Variants in SLC9A9 observed in about 807,000 individuals in gnomAD.
SLC9A9 encodes the protein sodium/hydrogen exchanger 9.
SLC9A9 carries 62 observed loss-of-function variants against 77.8 expected under a neutral mutation model. The observed-to-expected ratio is 0.80, with a 90% CI of 0.65 to 0.98. SLC9A9 has a LOEUF of 0.98. Ranked by LOEUF, SLC9A9 falls within the 50% of genes least tolerant of loss-of-function variation. The pLI is 0.00. For missense variants in SLC9A9, 775 were observed against 774.9 expected (o/e 1.00, Z 0.00); for synonymous variants, 320 against 283.5 (o/e 1.13, Z -1.29).
chr3:143,829,800 A>G (rs1224056403), intron 2 of SLC9A9, among the ~76,000 whole-genome samples: 1 of 152,200 alleles, frequency 6.6e-6, no homozygotes, highest in Non-Finnish European at 1.5e-5. Flanking sequence ...TAGTAGTAGT[A>G]GTGGTGGTAG....
chr3:143,334,058 T>C (rs2031855304), intron 14 of SLC9A9, among the ~76,000 whole-genome samples: 1 of 152,258 alleles, frequency 6.6e-6, no homozygotes, highest in African/African-American at 2.4e-5. Flanking sequence ...CAAAGAGCAC[T>C]GCACTAGATA....
chr3:143,358,145 C>G (rs951228483), intron 14 of SLC9A9, among the ~76,000 whole-genome samples: 1 of 151,984 alleles, frequency 6.6e-6, no homozygotes, highest in African/African-American at 2.4e-5. Flanking sequence ...GAAGTGGATT[C>G]CCAGTCTGCC....
At chr3:143,815,959 A>G (rs901096903) in intron 2 of SLC9A9, among the ~76,000 whole-genome samples, 14 of 152,216 alleles carry the variant, frequency 9.2e-5, no homozygotes, top group Non-Finnish European at 1.5e-4. Flanking sequence ...GCAAGGTCAA[A>G]TTTGTTCAGA....
chr3:143,465,043 A>G (rs937344534), intron 12 of SLC9A9, among the ~76,000 whole-genome samples: 61 of 152,276 alleles, frequency 4.0e-4, no homozygotes, highest in African/African-American at 1.2e-3. Context: ...TCAATTCCCT[A>G]AACACATCAC....
chr3:143,310,940 G>A (rs528598231), intron 14 of SLC9A9, among the ~76,000 whole-genome samples: 1 of 152,294 alleles, frequency 6.6e-6, no homozygotes, highest in Non-Finnish European at 1.5e-5. Context: ...GAGGATGTCT[G>A]AAGTCCTCAG....
intron 2 of SLC9A9, among the ~76,000 whole-genome samples, chr3:143,816,317 T>C (rs983881647): frequency 2.6e-5 from 4 of 152,192 alleles, no homozygotes; most frequent in Non-Finnish European, 4.4e-5. Context: ...GATCTTTCCA[T>C]CTAAGCCTCC....
At chr3:143,733,523 A>C (rs1934862080) in intron 4 of SLC9A9, among the ~76,000 whole-genome samples, 1 of 152,096 alleles carries the variant, frequency 6.6e-6, no homozygotes. Context: ...AAGGGAGCCC[A>C]CCTCATTGAG....
intron 12 of SLC9A9, among the ~76,000 whole-genome samples, chr3:143,446,005 A>G (rs1477362412): frequency 6.6e-6 from 1 of 152,130 alleles, no homozygotes; most frequent in Non-Finnish European, 1.5e-5. Context: ...GGTAGACACT[A>G]TGAATTATAG....
intron 12 of SLC9A9, among the ~76,000 whole-genome samples, chr3:143,460,432 T>A (rs1415356079): frequency 6.6e-6 from 1 of 151,974 alleles, no homozygotes; most frequent in Non-Finnish European, 1.5e-5. Context: ...ATCACTTTTT[T>A]TTTTCAAACG....
At chr3:143,566,001 C>G (rs2037161472) in intron 8 of SLC9A9, among the ~76,000 whole-genome samples, 1 of 152,104 alleles carries the variant, frequency 6.6e-6, no homozygotes, top group Admixed American at 6.5e-5. Flanking sequence ...ACACATTCAC[C>G]TCTGAGCTAA....
intron 11 of SLC9A9, among the ~76,000 whole-genome samples, chr3:143,475,739 C>G (rs976243124): frequency 2.0e-5 from 3 of 149,942 alleles, no homozygotes; most frequent in Admixed American, 6.7e-5. Flanking sequence ...TTGCAGTAAG[C>G]TGAGGTTGCG....
intron 9 of SLC9A9, among the ~76,000 whole-genome samples, chr3:143,515,124 C>A (rs2036184078): frequency 6.6e-6 from 1 of 151,996 alleles, no homozygotes. Context: ...ATAGGGAGGC[C>A]AGAGAGGAGC....
intron 4 of SLC9A9, among the ~76,000 whole-genome samples, chr3:143,773,545 C>A (rs992171079): frequency 6.7e-6 from 1 of 150,058 alleles, no homozygotes; most frequent in East Asian, 2.0e-4. Flanking sequence ...AGTGCAATGG[C>A]GCGATCTTGG....
At chr3:143,431,415 AGAG>A (rs1393409184) in intron 12 of SLC9A9, among the ~76,000 whole-genome samples, 1 of 151,946 alleles carries the variant, frequency 6.6e-6, no homozygotes, top group Non-Finnish European at 1.5e-5. Flanking sequence ...TCAAGACAGC[AGAG>A]GAGTTCTTTC....
At chr3:143,381,195 C>T (rs554498670) in intron 13 of SLC9A9, 27 of 152,268 alleles carry the variant, frequency 1.8e-4, no homozygotes, top group African/African-American at 5.5e-4. Flanking sequence ...CCACTCAAAC[C>T]TCATCTTGAA....
chr3:143,656,091 G>C lies in SLC9A9; in HGVS notation c.650-3731C>G, dbSNP rs1247507035. 2.0e-5 allele frequency among the ~76,000 whole-genome samples: 3 copies of C among 152,194 alleles called. No individual in the cohort carries two copies. In the East Asian group the frequency reaches 5.8e-4, roughly 29 times the overall value. ...GGAATGTGTCTTTTCAGGAAAGTAA[G>C]ATCATCTGCTGAGAGTCAGGAGAGA... On this transcript the variant is annotated intron_variant, in intron 5 of 15. Transcript: ENST00000316549.
chr3:143,467,939 A>C (rs367680521), intron 11 of SLC9A9, among the ~76,000 whole-genome samples: 2 of 152,316 alleles, frequency 1.3e-5, no homozygotes, highest in East Asian at 1.9e-4. Context: ...GTCTCTTGGA[A>C]TTGCCTTTTT....
At chr3:143,484,642 TG>T (rs35515723) in intron 11 of SLC9A9, among the ~76,000 whole-genome samples, 33,327 of 152,054 alleles carry the variant, frequency 0.22, 4,767 homozygotes, top group Non-Finnish European at 0.32. Context: ...CAGGTTTGCA[TG>T]AGGGACATGT....
chr3:143,711,542 G>C (rs1463476807), intron 4 of SLC9A9, among the ~76,000 whole-genome samples: 1 of 151,468 alleles, frequency 6.6e-6, no homozygotes, highest in African/African-American at 2.4e-5. Flanking sequence ...TGGGACTACA[G>C]GTGAGTGCCA....
Sources: gnomAD v4.1 joint callset for allele counts (sites outside exome capture counted in the v4.1 genomes callset) on GRCh38, gnomAD v4.1.1 for gene constraint, MANE v1.5 for transcripts, NCBI Gene and HGNC (gene_info 2026-07-23, HGNC 2026-07-21) for gene names.